CROCC2: variants seen among roughly 807,000 people sequenced by gnomAD.
CROCC2 encodes ciliary rootlet coiled-coil protein 2.
In CROCC2, 163 loss-of-function variants were observed where a neutral mutation model predicts 177.6. That is an observed-to-expected ratio of 0.92 (90% CI 0.81 to 1.05). CROCC2 has a LOEUF of 1.05. Among genes scored for constraint, CROCC2 ranks in the 50% least tolerant of loss-of-function variants. The pLI, the probability that CROCC2 is intolerant of heterozygous loss-of-function variation, is 0.00. For missense variants in CROCC2, 1,929 were observed against 1,797.8 expected (o/e 1.07, Z -1.32); for synonymous variants, 904 against 787.3 (o/e 1.15, Z -2.48).
intron 27 of CROCC2, among the ~76,000 whole-genome samples, chr2:240,971,330 G>T (rs1180561104): frequency 6.6e-5 from 10 of 152,134 alleles, no homozygotes. Flanking sequence ...GCCCTCTGAG[G>T]GCTCTGCCTG....
intron 5 of CROCC2, among the ~76,000 whole-genome samples, chr2:240,926,724 C>T (rs1166966835): frequency 6.6e-6 from 1 of 152,254 alleles, no homozygotes; most frequent in Non-Finnish European, 1.5e-5. Flanking sequence ...CCCGAGGTCC[C>T]AGCCCCGAGC....
At chr2:240,975,654 T>C (rs1222114460) in intron 27 of CROCC2, among the ~76,000 whole-genome samples, 2 of 151,108 alleles carry the variant, frequency 1.3e-5, no homozygotes, top group African/African-American at 4.9e-5. Context: ...CAGCCTTCCA[T>C]GCAAGCCCTT....
chr2:240,966,406 G>C lies in CROCC2; in HGVS notation c.4143G>C (p.Glu1381Asp), dbSNP rs1287607338. ...FVQKLREAQR[E>D]RDDSRIQMAT... The stretch of plus-strand genomic sequence containing the variant: ...AGAAGCTCCGGGAAGCCCAGCGGGA[G>C]CGGGTAATGGGGGCTGGGGTCCTCC... The change falls in exon 25 of 32, where the codon GAG becomes GAC. Residue 1381 changes from glutamate to aspartate, a missense_variant. By Grantham distance (45) the Glu-to-Asp change is conservative. Transcript: ENST00000690015. 5.0e-6 allele frequency: 2 copies of C among 401,020 alleles called. No individual in the cohort carries two copies. Among genetic ancestry groups the C allele is most frequent in the Non-Finnish European group, 8.8e-6 (2 of 226,506 alleles). The allele number at this position is 401,020 out of a possible 1,614,324, so 24.8% of individuals were successfully genotyped here.
intron 5 of CROCC2, among the ~76,000 whole-genome samples, chr2:240,929,288 G>A (rs1447852279): frequency 6.6e-6 from 1 of 152,172 alleles, no homozygotes; most frequent in Non-Finnish European, 1.5e-5. Flanking sequence ...CAGGATGTGA[G>A]TGCTCTACCT....
chr2:240,935,463 G>A lies in CROCC2; in HGVS notation c.2044G>A (p.Glu682Lys), dbSNP rs1299209821. The A allele has an allele frequency of 1.5e-6, 2 of 1,368,562 alleles. No homozygotes were observed. Among genetic ancestry groups the A allele is most frequent in the Non-Finnish European group, 1.9e-6 (2 of 1,056,890 alleles). The allele number at this position is 1,368,562 out of a possible 1,614,324, so 84.8% of individuals were successfully genotyped here. The change falls in exon 14 of 32, where the codon GAG becomes AAG. Residue 682 changes from glutamate (E) to lysine (K), a missense_variant. This residue lies in a region of CROCC2 where 1,397 missense variants were observed against 1,239.9 expected (regional missense o/e 1.13). Coordinates refer to ENST00000690015, the MANE Select transcript of CROCC2 (RefSeq NM_001351305.2). The part of the protein sequence containing the change: ...LAQAEQQLAL[E>K]RAERRGLQQA... ...ACAGGCGGAGCAGCAGCTGGCGCTGGAGCGGGCAGAGCGCAGGGGCCTGCA... is the reference window on the plus strand; with the variant it reads ...ACAGGCGGAGCAGCAGCTGGCGCTGAAGCGGGCAGAGCGCAGGGGCCTGCA...
chr2:240,985,649 C>T (rs1389466036), intron 28 of CROCC2, among the ~76,000 whole-genome samples: 1 of 121,918 alleles, frequency 8.2e-6, no homozygotes, highest in African/African-American at 3.3e-5. Flanking sequence ...ACTCACTCCA[C>T]ACACACCCAG....
intron 18 of CROCC2, among the ~76,000 whole-genome samples, chr2:240,951,478 A>T (rs2059556706): frequency 6.6e-6 from 1 of 152,158 alleles, no homozygotes; most frequent in Non-Finnish European, 1.5e-5. Context: ...ACTTGTCATC[A>T]TCCACCCACT....
chr2:240,921,921 C>T (rs1191002909), intron 3 of CROCC2, among the ~76,000 whole-genome samples: 1 of 152,184 alleles, frequency 6.6e-6, no homozygotes, highest in East Asian at 1.9e-4. Context: ...TCGGTCTTGG[C>T]CCAGTGGTGG....
chr2:240,916,094 G>T (rs982582628), intron 1 of CROCC2, among the ~76,000 whole-genome samples: 1 of 152,148 alleles, frequency 6.6e-6, no homozygotes, highest in Non-Finnish European at 1.5e-5. Context: ...AGAGTCCCTG[G>T]GAGGGGCCTG....
intron 19 of CROCC2, among the ~76,000 whole-genome samples, chr2:240,956,904 G>C (rs2059594496): frequency 6.6e-6 from 1 of 151,994 alleles, no homozygotes; most frequent in East Asian, 1.9e-4. Context: ...ACATAGATGG[G>C]GGCCTGGCTC....
chr2:240,952,669 T>C (rs1256940195), intron 18 of CROCC2, among the ~76,000 whole-genome samples: 1 of 152,214 alleles, frequency 6.6e-6, no homozygotes, highest in Admixed American at 6.5e-5. Context: ...TCTGCACAGC[T>C]GCCAGGCTGC....
At position 240,965,398 on chromosome 2, in the gene CROCC2, C is replaced by T. The variant is rs544297061; in HGVS notation, c.3483C>T (p.Ala1161=). 2.9e-5 allele frequency: 45 copies of T among 1,549,508 alleles called. No homozygotes were observed. The East Asian group carries it at 5.6e-4, about 19-fold the overall frequency. The part of the protein sequence containing the change: ...ELHRQVRTLK[A]ENQRRSGEAH... ...GCTCCCAGGTGAGGACACTGAAGGC[C>T]GAGAACCAGAGGAGGAGTGGAGAGG... The change falls in exon 23 of 32, where the codon GCC becomes GCT. Residue 1161 remains alanine (A), a synonymous_variant. Coordinates refer to ENST00000690015, the MANE Select transcript of CROCC2 (RefSeq NM_001351305.2).
rs1294847624 is a variant in CROCC2 at position 240,953,848 on chromosome 2, G to A, written c.2830-2011G>A. On this transcript the variant is annotated intron_variant, in intron 18 of 31. Coordinates refer to ENST00000690015, the MANE Select transcript of CROCC2 (RefSeq NM_001351305.2). The surrounding 1 kb of genome is among the most constrained non-coding windows in gnomAD (Gnocchi z 4.0). ...ACTGGAACCCTCCATTCTCCGACCCGCTGTGTCTGAATGGCGGCTTGCCCA... is the reference window on the plus strand; with the variant it reads ...ACTGGAACCCTCCATTCTCCGACCCACTGTGTCTGAATGGCGGCTTGCCCA... Among the ~76,000 whole-genome samples the A allele has an allele frequency of 1.3e-5, 2 of 152,180 alleles. No individual in the cohort carries two copies. Among genetic ancestry groups the A allele is most frequent in the East Asian group, 1.9e-4 (1 of 5,198 alleles).
intron 17 of CROCC2, among the ~76,000 whole-genome samples, chr2:240,950,057 T>A (rs978028063): frequency 2.0e-5 from 3 of 152,174 alleles, no homozygotes; most frequent in Non-Finnish European, 4.4e-5. Flanking sequence ...GTTTGACATG[T>A]CTTTACACCC....
Position 240,949,477 on chromosome 2 carries a change from A to G in CROCC2, c.2483-56A>G. The G allele has an allele frequency of 6.5e-7, 1 of 1,529,610 alleles. No homozygotes were observed. The allele number at this position is 1,529,610 out of a possible 1,614,324, so 94.8% of individuals were successfully genotyped here. ...GACTGTCACTCCCTAGGAAGTCCCA[A>G]AGGGTTCAGGGGTCCACATGCCAGG... On this transcript the variant is annotated intron_variant, in intron 16 of 31. Transcript: ENST00000690015. This position sits in a 1 kb window ranked among gnomAD's most constrained non-coding sequence, Gnocchi z 4.5.
intron 1 of CROCC2, among the ~76,000 whole-genome samples, chr2:240,915,645 C>T (rs1007177697): frequency 6.6e-6 from 1 of 152,182 alleles, no homozygotes; most frequent in African/African-American, 2.4e-5. Flanking sequence ...ACATTTCCCC[C>T]AAGGTTTGGC....
At chr2:240,932,665 C>T (rs1435915810) in intron 8 of CROCC2, 37 bp from the exon 9 acceptor site, 1 of 721,190 alleles carries the variant, frequency 1.4e-6, no homozygotes, top group East Asian at 2.7e-5. Flanking sequence ...GCCCTGTGCT[C>T]TGGGCCCCTC....
At position 240,945,369 on chromosome 2, in the gene CROCC2, G is replaced by A. The variant is rs1370844137; in HGVS notation, c.2170-691G>A. Among the ~76,000 whole-genome samples the A allele has an allele frequency of 2.0e-5, 3 of 152,102 alleles. No homozygotes were observed. The East Asian group carries it at 5.8e-4, about 29-fold the overall frequency. On this transcript the variant is annotated intron_variant, in intron 14 of 31. Coordinates refer to ENST00000690015, the MANE Select transcript of CROCC2 (RefSeq NM_001351305.2). ...ATTTCTGATTCACCGCTAGTACTAG[G>A]GTCAAGCCCTGCTGTGAATACAACT...
At chr2:240,915,304 C>T (rs374943574) in intron 1 of CROCC2, among the ~76,000 whole-genome samples, 7 of 152,248 alleles carry the variant, frequency 4.6e-5, no homozygotes, top group Non-Finnish European at 7.3e-5. Context: ...TGGATCCACA[C>T]GAGGGTTCTG....
Sources: gnomAD v4.1 joint callset for allele counts (sites outside exome capture counted in the v4.1 genomes callset) on GRCh38, gnomAD v4.1.1 for gene constraint, gnomAD v4.1.1 regional missense constraint, Gnocchi (gnomAD v3.1) non-coding constraint, MANE v1.5 for transcripts, NCBI Gene and HGNC (gene_info 2026-07-23, HGNC 2026-07-21) for gene names.